The following CSMD1 variants were observed in gnomAD, a reference collection of about 807,000 sequenced individuals.
CSMD1 encodes CUB and Sushi multiple domains 1.
Under a neutral mutation model 417.5 loss-of-function variants are expected in CSMD1, and 213 were observed. That is an observed-to-expected ratio of 0.51 (90% CI 0.46 to 0.57). CSMD1 has a LOEUF of 0.57. Among genes scored for constraint, CSMD1 ranks in the 20% least tolerant of loss-of-function variants. The pLI is 0.00. For missense variants in CSMD1, 6,923 were observed against 4,529.7 expected (o/e 1.53, Z -15.17); for synonymous variants, 2,862 against 1,736.8 (o/e 1.65, Z -16.11).
At chr8:4,254,553 G>C (rs150065726) in intron 3 of CSMD1, among the ~76,000 whole-genome samples, 3 of 152,222 alleles carry the variant, frequency 2.0e-5, no homozygotes, top group African/African-American at 2.4e-5. Flanking sequence ...GACTACAGTA[G>C]TGTACAGTCA....
intron 3 of CSMD1, among the ~76,000 whole-genome samples, chr8:4,178,500 A>G (rs898371575): frequency 4.6e-5 from 7 of 151,252 alleles, no homozygotes; most frequent in Admixed American, 1.3e-4. Context: ...AACTGGAAGC[A>G]TTCCCTTTGA....
intron 5 of CSMD1, among the ~76,000 whole-genome samples, chr8:3,956,159 A>G (rs1471877314): frequency 6.7e-6 from 1 of 149,736 alleles, no homozygotes; most frequent in Non-Finnish European, 1.5e-5. Context: ...ATAATCTTAG[A>G]TGCAAAAAGG....
At chr8:3,723,124 A>C (rs987917676) in intron 6 of CSMD1, among the ~76,000 whole-genome samples, 4 of 152,146 alleles carry the variant, frequency 2.6e-5, no homozygotes, top group African/African-American at 9.7e-5. Flanking sequence ...GGTGAAGTCC[A>C]ATTCGGTGGT....
intron 41 of CSMD1, among the ~76,000 whole-genome samples, chr8:3,134,076 G>A (rs1158687899): frequency 6.6e-6 from 1 of 152,120 alleles, no homozygotes; most frequent in Non-Finnish European, 1.5e-5. Context: ...TACTCAGGAG[G>A]CAGGAGAATC....
intron 3 of CSMD1, among the ~76,000 whole-genome samples, chr8:4,261,092 T>G (rs565938238): frequency 1.3e-5 from 2 of 152,330 alleles, no homozygotes; most frequent in East Asian, 3.9e-4. Flanking sequence ...ATATATAATT[T>G]TTCTATGTGT....
intron 11 of CSMD1, among the ~76,000 whole-genome samples, chr8:3,473,158 A>G (rs1488264683): frequency 2.0e-5 from 3 of 152,216 alleles, no homozygotes; most frequent in Non-Finnish European, 4.4e-5. Context: ...CTCAGTCGAT[A>G]TATTTAATTT....
At chr8:3,333,829 A>C (rs1807065097) in intron 23 of CSMD1, among the ~76,000 whole-genome samples, 1 of 152,206 alleles carries the variant, frequency 6.6e-6, no homozygotes, top group Non-Finnish European at 1.5e-5. Flanking sequence ...CTATTCTTTG[A>C]ATACTATAAT....
chr8:4,408,989 G>A (rs71523630), intron 3 of CSMD1, among the ~76,000 whole-genome samples: 3,645 of 152,244 alleles, frequency 0.024, 51 homozygotes, highest in Middle Eastern at 0.034. Flanking sequence ...ATTCTTTGCC[G>A]ACTGATTTAA....
intron 4 of CSMD1, among the ~76,000 whole-genome samples, chr8:4,031,488 A>C (rs552393734): frequency 6.6e-6 from 1 of 152,152 alleles, no homozygotes; most frequent in African/African-American, 2.4e-5. Context: ...TACCCCCATG[A>C]TTCAATTACC....
intron 26 of CSMD1, among the ~76,000 whole-genome samples, chr8:3,272,138 T>G (rs959689173): frequency 6.8e-6 from 1 of 147,170 alleles, no homozygotes; most frequent in Non-Finnish European, 1.5e-5. Context: ...CAGTTTCAGC[T>G]TTCTGCATAT....
chr8:4,858,098 G>C (rs1207509037), intron 1 of CSMD1, among the ~76,000 whole-genome samples: 5 of 151,878 alleles, frequency 3.3e-5, no homozygotes, highest in South Asian at 4.2e-4. Flanking sequence ...TGGGATGCAA[G>C]GCTGGTTCAA....
At chr8:3,152,778 G>C (rs1013668066) in intron 39 of CSMD1, among the ~76,000 whole-genome samples, 7 of 152,222 alleles carry the variant, frequency 4.6e-5, no homozygotes, top group Non-Finnish European at 1.0e-4. Flanking sequence ...TTGTGGCAGA[G>C]ACTAGGCATT....
chr8:3,974,367 C>G (rs1045429396), intron 5 of CSMD1, among the ~76,000 whole-genome samples: 2 of 151,764 alleles, frequency 1.3e-5, no homozygotes, highest in African/African-American at 4.8e-5. Context: ...ATCAAATATA[C>G]AGCTTTTAAA....
At chr8:3,231,976 C>T (rs981125907) in intron 26 of CSMD1, among the ~76,000 whole-genome samples, 2 of 152,214 alleles carry the variant, frequency 1.3e-5, no homozygotes, top group African/African-American at 4.8e-5. Context: ...CACTCTCTTT[C>T]TCTCAAATTG....
intron 1 of CSMD1, among the ~76,000 whole-genome samples, chr8:4,886,845 A>C (rs1326368591): frequency 6.6e-6 from 1 of 152,060 alleles, no homozygotes; most frequent in African/African-American, 2.4e-5. Context: ...CTGTCATTTC[A>C]GATTTAAGTA....
intron 2 of CSMD1, among the ~76,000 whole-genome samples, chr8:4,580,702 A>T (rs151196718): frequency 1.3e-5 from 2 of 152,130 alleles, no homozygotes; most frequent in African/African-American, 4.8e-5. Context: ...AAATGCGACA[A>T]CACCAGGAAG....
intron 11 of CSMD1, among the ~76,000 whole-genome samples, chr8:3,476,589 G>T (rs142984970): frequency 6.6e-6 from 1 of 152,026 alleles, no homozygotes; most frequent in Admixed American, 6.6e-5. Context: ...ACATCCATTG[G>T]TGTGACATTC....
intron 1 of CSMD1, among the ~76,000 whole-genome samples, chr8:4,901,099 C>G (rs1180881342): frequency 2.0e-5 from 3 of 152,340 alleles, no homozygotes; most frequent in Admixed American, 6.5e-5. Context: ...TTTTGGGCAA[C>G]AGTATACCCT....
intron 1 of CSMD1, among the ~76,000 whole-genome samples, chr8:4,830,991 C>T (rs1800117254): frequency 6.6e-6 from 1 of 152,074 alleles, no homozygotes; most frequent in African/African-American, 2.4e-5. Flanking sequence ...ATTTAGAGGC[C>T]CTTCATTTTA....
Sources: allele counts gnomAD v4.1 joint callset (sites outside exome capture counted in the v4.1 genomes callset), GRCh38; gene constraint gnomAD v4.1.1; transcripts MANE v1.5; gene names NCBI Gene and HGNC (gene_info 2026-07-23, HGNC 2026-07-21).